The following WWOX variants were observed in gnomAD, a reference collection of about 807,000 sequenced individuals.
The protein encoded by WWOX is WW domain-containing oxidoreductase.
WWOX carries 69 observed loss-of-function variants against 46.2 expected under a neutral mutation model. The observed-to-expected ratio is 1.49, with a 90% CI of 1.23 to 1.82. The LOEUF (loss-of-function observed/expected upper bound fraction) is 1.82, where lower values mean the gene tolerates loss of function less well. Ranked by LOEUF, WWOX falls within the 40% of genes most tolerant of loss-of-function variation. The pLI is 0.00. For missense variants in WWOX, 919 were observed against 542.6 expected (o/e 1.69, Z -6.89); for synonymous variants, 359 against 202.6 (o/e 1.77, Z -6.56).
At position 78,305,770 on chromosome 16, in the gene WWOX, T is replaced by C. The variant is rs1214379621; in HGVS notation, c.517-81090T>C. ...TTGACAGTGGATAGTTCAAGTTAGT[T>C]TGAAATGAGAAATTGCCGGTGACCT... On this transcript the variant is annotated intron_variant, in intron 5 of 8. Coordinates refer to ENST00000566780, the MANE Select transcript of WWOX (RefSeq NM_016373.4). Among the ~76,000 whole-genome samples, 4 of 152,208 alleles carry C rather than the reference T, an allele frequency of 2.6e-5. 1 individual carries two copies. Among genetic ancestry groups the C allele is most frequent in the Admixed American group, 6.5e-5 (1 of 15,288 alleles).
chr16:78,871,791 AG>A (rs2044134351), intron 8 of WWOX, among the ~76,000 whole-genome samples: 2 of 152,222 alleles, frequency 1.3e-5, no homozygotes, highest in South Asian at 4.1e-4. Context: ...TTTAGTAGAG[AG>A]GGGTTTCACC....
intron 8 of WWOX, among the ~76,000 whole-genome samples, chr16:78,882,392 C>A (rs571696247): frequency 6.6e-6 from 1 of 152,068 alleles, no homozygotes; most frequent in African/African-American, 2.4e-5. Context: ...ATCTTCCATC[C>A]TCTATTTTAT....
intron 8 of WWOX, among the ~76,000 whole-genome samples, chr16:79,166,289 A>G (rs908989601): frequency 2.0e-5 from 3 of 152,176 alleles, no homozygotes; most frequent in Non-Finnish European, 2.9e-5. Flanking sequence ...TGTTTCAGCC[A>G]GGGCTTTTCC....
intron 8 of WWOX, among the ~76,000 whole-genome samples, chr16:78,615,431 C>T (rs2045999549): frequency 6.6e-6 from 1 of 152,060 alleles, no homozygotes; most frequent in South Asian, 2.1e-4. Context: ...GGAGGATCTC[C>T]TGAAGCCCAG....
At chr16:78,976,576 T>C (rs1228678053) in intron 8 of WWOX, among the ~76,000 whole-genome samples, 1 of 152,188 alleles carries the variant, frequency 6.6e-6, no homozygotes, top group African/African-American at 2.4e-5. Flanking sequence ...GCCTGGGATC[T>C]TGCAGCTGCG....
At chr16:78,665,593 C>G (rs529743387) in intron 8 of WWOX, among the ~76,000 whole-genome samples, 5 of 152,190 alleles carry the variant, frequency 3.3e-5, no homozygotes, top group Admixed American at 2.0e-4. Context: ...TGGCAGTATT[C>G]CAGATTCCGA....
intron 8 of WWOX, among the ~76,000 whole-genome samples, chr16:78,568,303 T>G (rs2044624582): frequency 6.6e-6 from 1 of 151,996 alleles, no homozygotes; most frequent in Admixed American, 6.6e-5. Flanking sequence ...TACTTATCAT[T>G]ACTTTGTCCC....
intron 8 of WWOX, among the ~76,000 whole-genome samples, chr16:78,930,310 C>G (rs908875285): frequency 3.0e-5 from 4 of 131,872 alleles, no homozygotes; most frequent in African/African-American, 1.1e-4. Flanking sequence ...GACAGGGTCT[C>G]CTCCACACCC....
intron 8 of WWOX, among the ~76,000 whole-genome samples, chr16:78,518,411 G>A (rs2043283092): frequency 6.6e-6 from 1 of 151,852 alleles, no homozygotes; most frequent in Non-Finnish European, 1.5e-5. Context: ...ATTAGAGATG[G>A]GATTTCACCA....
intron 8 of WWOX, among the ~76,000 whole-genome samples, chr16:79,083,644 G>T (rs182579439): frequency 6.4e-4 from 97 of 152,240 alleles, no homozygotes; most frequent in Non-Finnish European, 1.1e-3. Flanking sequence ...AGTTAGGTTC[G>T]AAGGAAAACA....
In WWOX at chr16:78,478,973, G is replaced by A. The variant is rs115431669; in HGVS notation, c.1056+46221G>A. On this transcript the variant is annotated intron_variant, in intron 8 of 8. Coordinates refer to ENST00000566780, the MANE Select transcript of WWOX (RefSeq NM_016373.4). ...TCTCCTTTGATTTTGTCATTCTGTA[G>A]AAGTTGATAATCTGTATTATGATCA... Among the ~76,000 whole-genome samples, 1,079 of 151,920 alleles carry A rather than the reference G, an allele frequency of 7.1e-3. 13 individuals carry two copies. The highest frequency in any genetic ancestry group is 0.022 in the African/African-American group (903 of 41,434).
intron 5 of WWOX, among the ~76,000 whole-genome samples, chr16:78,258,675 G>A (rs9938459): frequency 0.021 from 2,383 of 114,814 alleles, 59 homozygotes; most frequent in African/African-American, 0.072. Flanking sequence ...GTGTTCGTTC[G>A]ACAGTTAAAG....
chr16:78,835,944 A>G (rs761723446), intron 8 of WWOX, among the ~76,000 whole-genome samples: 2 of 152,218 alleles, frequency 1.3e-5, no homozygotes, highest in Non-Finnish European at 2.9e-5. Flanking sequence ...ACAACAAGGA[A>G]ATATAAAATT....
At position 78,865,107 on chromosome 16, in the gene WWOX, C is replaced by A. The variant is rs1300649744; in HGVS notation, c.1057-346501C>A. The stretch of plus-strand genomic sequence containing the variant: ...AGTTAGTGCTTTAATATGTTAAACA[C>A]CCTTATTAACATATTACATATGTTA... On this transcript the variant is annotated intron_variant, in intron 8 of 8. Coordinates refer to ENST00000566780, the MANE Select transcript of WWOX (RefSeq NM_016373.4). Among the ~76,000 whole-genome samples, 5 of 151,984 alleles carry A rather than the reference C, an allele frequency of 3.3e-5. No individual in the cohort carries two copies. The East Asian group carries it at 5.8e-4, about 18-fold the overall frequency.
intron 8 of WWOX, among the ~76,000 whole-genome samples, chr16:78,694,630 C>G (rs562414178): frequency 6.6e-6 from 1 of 152,328 alleles, no homozygotes; most frequent in East Asian, 1.9e-4. Flanking sequence ...CAAAGGCATT[C>G]TGCATGCCCA....
At chr16:78,920,868 A>T (rs1356594056) in intron 8 of WWOX, among the ~76,000 whole-genome samples, 3 of 152,188 alleles carry the variant, frequency 2.0e-5, no homozygotes, top group Non-Finnish European at 4.4e-5. Context: ...AACTCTGATG[A>T]GCTCGATGAG....
At chr16:79,029,491 T>G (rs1296604908) in intron 8 of WWOX, among the ~76,000 whole-genome samples, 1 of 152,220 alleles carries the variant, frequency 6.6e-6, no homozygotes. Flanking sequence ...TTATACTATT[T>G]TAGGATCTTG....
rs747172163 is a variant in WWOX, at chr16:78,425,076, T to A, written c.791+21T>A. 2.5e-6 allele frequency: 4 copies of A among 1,612,424 alleles called. No homozygotes were observed. The Admixed American group carries it at 6.7e-5, about 27-fold the overall frequency. On this transcript the variant is annotated intron_variant, in intron 7 of 8. Coordinates refer to ENST00000566780, the MANE Select transcript of WWOX (RefSeq NM_016373.4). ...CATCGGTGGGTTTGAATTGCATATT[T>A]GTTCACTTATCCCCTTTCTCATACC...
chr16:78,894,022 T>TATTATTATTATTATG (rs1392806745), intron 8 of WWOX, among the ~76,000 whole-genome samples: 3 of 141,350 alleles, frequency 2.1e-5, no homozygotes, highest in African/African-American at 8.1e-5. Flanking sequence ...TTGAGGCTTT[T>TATTATTATTATTATG]ATTATTATTA....
Sources: allele counts gnomAD v4.1 joint callset (sites outside exome capture counted in the v4.1 genomes callset), GRCh38; gene constraint gnomAD v4.1.1; transcripts MANE v1.5; gene names NCBI Gene and HGNC (gene_info 2026-07-23, HGNC 2026-07-21).